CUL1: variants seen among roughly 807,000 people sequenced by gnomAD.
CUL1 encodes the protein cullin 1.
In CUL1, 24 loss-of-function variants were observed where a neutral mutation model predicts 118.0. The observed-to-expected ratio is 0.20, with a 90% CI of 0.15 to 0.29. The LOEUF is 0.29. Ranked by LOEUF, CUL1 falls within the 10% of genes least tolerant of loss-of-function variation. The pLI is 1.00. For missense variants in CUL1, 361 were observed against 933.8 expected (o/e 0.39, Z 7.99); for synonymous variants, 332 against 340.4 (o/e 0.98, Z 0.27).
At chr7:148,780,247 C>T (rs757352353) in intron 9 of CUL1, among the ~76,000 whole-genome samples, 5 of 152,068 alleles carry the variant, frequency 3.3e-5, no homozygotes, top group Admixed American at 6.5e-5. Flanking sequence ...CTGGGCTGGT[C>T]GTGCGGGGAA....
chr7:148,793,466 T>A (rs565287887), intron 17 of CUL1, among the ~76,000 whole-genome samples: 16 of 152,316 alleles, frequency 1.1e-4, no homozygotes, highest in South Asian at 6.2e-4. Context: ...AACTGCCCGC[T>A]AGCTCCCAGC....
intron 2 of CUL1, among the ~76,000 whole-genome samples, chr7:148,741,179 A>G (rs1026350363): frequency 1.6e-5 from 2 of 121,558 alleles, no homozygotes; most frequent in Non-Finnish European, 3.4e-5. Context: ...GTTATTTCCA[A>G]CTTTTTACTA....
At chr7:148,748,686 G>A (rs1473916208) in intron 2 of CUL1, among the ~76,000 whole-genome samples, 2 of 152,098 alleles carry the variant, frequency 1.3e-5, no homozygotes. Context: ...AGTTAGAGAT[G>A]GGCATTGTTT....
At chr7:148,731,666 T>A (rs553302780) in intron 2 of CUL1, among the ~76,000 whole-genome samples, 1 of 152,324 alleles carries the variant, frequency 6.6e-6, no homozygotes, top group South Asian at 2.1e-4. Flanking sequence ...CGACACCTTG[T>A]ACCCATTAGC....
chr7:148,785,366 CT>C (rs921439845), intron 11 of CUL1, among the ~76,000 whole-genome samples: 20 of 146,920 alleles, frequency 1.4e-4, no homozygotes, highest in Admixed American at 4.1e-4. Context: ...ACTTAGTGTC[CT>C]TTTTTTTTTG....
chr7:148,793,039 A>G (rs1340442258), intron 17 of CUL1, among the ~76,000 whole-genome samples: 1 of 152,234 alleles, frequency 6.6e-6, no homozygotes, highest in Non-Finnish European at 1.5e-5. Context: ...ACATGCCTGT[A>G]GTCCCAGCTT....
chr7:148,792,615 T>A, intron 16 of CUL1, 111 bp from the exon 17 acceptor site: 1 of 627,298 alleles, frequency 1.6e-6, no homozygotes, highest in Non-Finnish European at 2.6e-6. Context: ...TGTACTTGTT[T>A]AAAGAATTTG....
chr7:148,780,429 T>C (rs1043186586), intron 9 of CUL1, among the ~76,000 whole-genome samples: 1 of 152,234 alleles, frequency 6.6e-6, no homozygotes, highest in Non-Finnish European at 1.5e-5. Context: ...GGACGGGTTG[T>C]ATGGATTGAG....
In CUL1 at chr7:148,760,441, C is replaced by A; in HGVS notation, c.734C>A (p.Thr245Asn). 1 of 1,612,816 alleles carries A rather than the reference C, an allele frequency of 6.2e-7. No individual in the cohort carries two copies. The highest frequency in any genetic ancestry group is 8.5e-7 in the Non-Finnish European group (1 of 1,179,372). Reference sequence around the variant, plus strand: ...TTGGCTGACACAGAGAGATTTTATACCAGAGAGAGTACTGAATTCTTGCAG... The same window carrying A: ...TTGGCTGACACAGAGAGATTTTATAACAGAGAGAGTACTGAATTCTTGCAG... ...QFLADTERFY[T>N]RESTEFLQQN... Residue 245 changes from threonine (T) to asparagine (N), a missense_variant, in exon 7 of 22, where the codon ACC becomes AAC. Thr to Asn is a moderately conservative substitution (Grantham distance 65). This residue lies in a region of CUL1 where 169 missense variants were observed against 429.7 expected (regional missense o/e 0.39). Coordinates refer to ENST00000325222, the MANE Select transcript of CUL1 (RefSeq NM_003592.3).
chr7:148,760,426 CAG>C lies in CUL1; in HGVS notation c.725_726del (p.Arg242IlefsTer8). ...TTTGAATCTCAATTTTTGGCTGACA[CAG>C]AGAGATTTTATACCAGAGAGAGTAC... On this transcript the variant is annotated frameshift_variant, in exon 7 of 22. Transcript: ENST00000325222. LOFTEE classifies it high-confidence loss of function. 6.2e-7 allele frequency: 1 copy of C among 1,613,212 alleles called. No homozygotes were observed.
At chr7:148,721,929 G>A (rs1031953902) in intron 1 of CUL1, among the ~76,000 whole-genome samples, 6 of 152,044 alleles carry the variant, frequency 3.9e-5, no homozygotes, top group South Asian at 2.1e-4. Context: ...ATATTTTCTG[G>A]CGTTCATATA....
At chr7:148,739,397 T>C (rs1799068540) in intron 2 of CUL1, among the ~76,000 whole-genome samples, 1 of 152,214 alleles carries the variant, frequency 6.6e-6, no homozygotes, top group Admixed American at 6.5e-5. Context: ...CTCTGCTGAC[T>C]CAGCCTGGAT....
intron 1 of CUL1, among the ~76,000 whole-genome samples, chr7:148,699,247 G>T (rs948382256): frequency 6.6e-6 from 1 of 152,000 alleles, no homozygotes; most frequent in African/African-American, 2.4e-5. Flanking sequence ...AGCGAGCGGG[G>T]CCGGGCCCTG....
rs1799121320 is a variant in CUL1, at chr7:148,740,980, G to T, written c.140+10718G>T. ...TTTAAGCCGTCTTGTCTGGTATTTT[G>T]TTATGGCAGCCTAAGCCGACTAATA... is the stretch of plus-strand genomic sequence containing the variant. On this transcript the variant is annotated intron_variant, in intron 2 of 21. Transcript: ENST00000325222. 2.0e-5 allele frequency among the ~76,000 whole-genome samples: 3 copies of T among 152,188 alleles called. No homozygotes were observed. The South Asian group carries it at 6.2e-4, about 32-fold the overall frequency.
intron 1 of CUL1, among the ~76,000 whole-genome samples, chr7:148,725,443 G>A (rs1364135485): frequency 6.6e-6 from 1 of 152,214 alleles, no homozygotes; most frequent in Non-Finnish European, 1.5e-5. Flanking sequence ...GGGAGTTAAA[G>A]GCCTGGCCTG....
At chr7:148,789,907 G>A in intron 15 of CUL1, 81 bp downstream of exon 15, 1 of 1,273,912 alleles carries the variant, frequency 7.8e-7, no homozygotes. Flanking sequence ...AAGGGGACAG[G>A]CCTGCAGATG....
At chr7:148,793,025 TG>T (rs1254431575) in intron 17 of CUL1, among the ~76,000 whole-genome samples, 4 of 152,202 alleles carry the variant, frequency 2.6e-5, no homozygotes, top group African/African-American at 9.7e-5. Context: ...CCAGGCATGG[TG>T]GCACATGCCT....
At chr7:148,786,736 TA>T in intron 12 of CUL1, 137 bp downstream of exon 12, 1 of 842,902 alleles carries the variant, frequency 1.2e-6, no homozygotes, top group Non-Finnish European at 1.9e-6. Context: ...TTTTACTTCC[TA>T]AATTGAGTTA....
chr7:148,762,368 A>G (rs980888233), intron 7 of CUL1, among the ~76,000 whole-genome samples: 2 of 152,212 alleles, frequency 1.3e-5, no homozygotes, highest in Admixed American at 6.5e-5. Context: ...AGTCCTTGAC[A>G]AATCTCTGCT....
Sources: gnomAD v4.1 joint callset for allele counts (sites outside exome capture counted in the v4.1 genomes callset) on GRCh38, gnomAD v4.1.1 for gene constraint, gnomAD v4.1.1 regional missense constraint, MANE v1.5 for transcripts, NCBI Gene and HGNC (gene_info 2026-07-23, HGNC 2026-07-21) for gene names.